Variants in PPP2R5C observed in about 807,000 individuals in gnomAD.
PPP2R5C encodes protein phosphatase 2 regulatory subunit B'gamma.
A neutral mutation model predicts 68.9 loss-of-function variants in PPP2R5C; 7 were observed. The observed-to-expected ratio is 0.10, with a 90% confidence interval of 0.06 to 0.19. The LOEUF (loss-of-function observed/expected upper bound fraction) is 0.19. PPP2R5C is among the 10% of genes least tolerant of loss of function. The probability of loss-of-function intolerance (pLI) is 1.00; values close to 1 mark genes in which losing one functional copy is unlikely to be tolerated. For missense variants in PPP2R5C, 348 were observed against 641.3 expected, an observed-to-expected ratio of 0.54 and a Z score of 4.94; for synonymous variants, 210 against 222.2, an observed-to-expected ratio of 0.95 and a Z score of 0.49.
intron 2 of PPP2R5C, among the ~76,000 whole-genome samples, chr14:101,769,231 CA>C (rs11305514): frequency 0.043 from 6,487 of 152,312 alleles, 201 homozygotes; most frequent in Non-Finnish European, 0.062. Flanking sequence ...ATGCTTATAG[CA>C]ATTACTTACT....
At chr14:101,844,175 G>A (rs941075837) in intron 1 of PPP2R5C, 4 of 147,656 alleles carry the variant, frequency 2.7e-5, no homozygotes, top group African/African-American at 1.0e-4. Flanking sequence ...ATGGCCAGGT[G>A]AGGTGGAGGC....
rs542621416 is a variant in PPP2R5C at position 101,888,844 on chromosome 14, A to G, written c.630-1393A>G. On this transcript the variant is annotated intron_variant, in intron 5 of 13. Transcript: ENST00000334743. The surrounding 1 kb of genome is among the most constrained non-coding windows in gnomAD (Gnocchi z 5.6). ...TGACCTCAGGTGATCCACCTGCTTC[A>G]GCCTCCCAAAGTGCTGGGATTACAG... is the stretch of plus-strand genomic sequence containing the variant. Among the ~76,000 whole-genome samples the G allele has an allele frequency of 7.2e-5, 11 of 152,176 alleles. No homozygotes were observed. The highest frequency in any genetic ancestry group is 2.6e-4 in the African/African-American group (11 of 41,524).
intron 2 of PPP2R5C, among the ~76,000 whole-genome samples, chr14:101,782,232 C>T (rs1252238898): frequency 8.4e-5 from 1 of 11,910 alleles, no homozygotes; most frequent in East Asian, 2.3e-3. Flanking sequence ...TCCTCCCTCT[C>T]TCTTTCTCCC....
At chr14:101,927,861 ATTGT>A (rs2047337011) in exon 14 of PPP2R5C, 1 of 152,084 alleles carries the variant, frequency 6.6e-6, no homozygotes, top group East Asian at 1.9e-4. Flanking sequence ...TTGTTTTGAC[ATTGT>A]TTATGAAGAG....
At chr14:101,837,659 A>G (rs2041199685) in intron 1 of PPP2R5C, among the ~76,000 whole-genome samples, 1 of 152,288 alleles carries the variant, frequency 6.6e-6, no homozygotes, top group South Asian at 2.1e-4. Context: ...GGAGGCGAGG[A>G]CTGTGGGCTT....
chr14:101,763,001 T>C, intron 2 of PPP2R5C, 31 bp downstream of exon 2: 1 of 1,521,636 alleles, frequency 6.6e-7, no homozygotes, highest in Non-Finnish European at 8.9e-7. Context: ...ACTTTGTATT[T>C]TATACACAGC....
chr14:101,907,227 G>T (rs1366007746), intron 10 of PPP2R5C, among the ~76,000 whole-genome samples: 1 of 152,044 alleles, frequency 6.6e-6, no homozygotes, highest in Non-Finnish European at 1.5e-5. Context: ...CTGGAGTGTA[G>T]TGTCACGATC....
chr14:101,782,180 C>T (rs1252809764), intron 2 of PPP2R5C, among the ~76,000 whole-genome samples: 2 of 43,734 alleles, frequency 4.6e-5, no homozygotes, highest in Non-Finnish European at 9.5e-5. Flanking sequence ...CCCTCCCCCT[C>T]CCTCTCTTTC....
intron 3 of PPP2R5C, among the ~76,000 whole-genome samples, chr14:101,792,831 G>T (rs963046243): frequency 3.3e-5 from 5 of 149,728 alleles, no homozygotes; most frequent in African/African-American, 1.2e-4. Flanking sequence ...CATCCCTTGG[G>T]CTCATTTAAT....
chr14:101,808,243 C>A (rs1216013596), upstream of PPP2R5C, among the ~76,000 whole-genome samples: 2 of 151,738 alleles, frequency 1.3e-5, no homozygotes, highest in African/African-American at 4.8e-5. Flanking sequence ...CAGCTAAGAT[C>A]TAAATTCCTC....
chr14:101,857,615 A>G (rs542905560), intron 2 of PPP2R5C, among the ~76,000 whole-genome samples: 10 of 152,366 alleles, frequency 6.6e-5, no homozygotes, highest in Admixed American at 5.9e-4. Context: ...GTCAAACTTT[A>G]CAGCCCATTC....
At chr14:101,870,761 G>A (rs984406639) in intron 2 of PPP2R5C, among the ~76,000 whole-genome samples, 3 of 152,180 alleles carry the variant, frequency 2.0e-5, no homozygotes, top group Non-Finnish European at 2.9e-5. Flanking sequence ...GAGCTTTGCA[G>A]CCTATGTACA....
rs1454869563 is a variant in PPP2R5C at position 101,819,745 on chromosome 14, A to G, written c.94+9709A>G. On this transcript the variant is annotated intron_variant, in intron 1 of 13. Transcript: ENST00000334743. Reference sequence around the variant, plus strand: ...TTCCGCCCACCGCAGCATCCTGTGTAGCTGGGACTACAGGCAAGCACCACC... The same window carrying G: ...TTCCGCCCACCGCAGCATCCTGTGTGGCTGGGACTACAGGCAAGCACCACC... 3 of 152,548 alleles carry G rather than the reference A, an allele frequency of 2.0e-5. No homozygotes were observed. The East Asian group carries it at 5.8e-4, about 29-fold the overall frequency. 9.4% of individuals were successfully genotyped at this position (152,548 alleles called of 1,614,324 possible).
At chr14:101,912,723 T>A in intron 12 of PPP2R5C, 4 of 666,540 alleles carry the variant, frequency 6.0e-6, no homozygotes, top group Non-Finnish European at 8.2e-6. Flanking sequence ...ATCTTATGCA[T>A]ATACTGTGGT....
At chr14:101,918,361 A>T (rs2046800054) in intron 13 of PPP2R5C, among the ~76,000 whole-genome samples, 1 of 129,794 alleles carries the variant, frequency 7.7e-6, no homozygotes. Context: ...AGGACACCTC[A>T]CCCTCCTTGC....
chr14:101,893,964 A>T (rs2281538), intron 7 of PPP2R5C, among the ~76,000 whole-genome samples: 1 of 152,084 alleles, frequency 6.6e-6, no homozygotes, highest in African/African-American at 2.4e-5. Context: ...CAGCACAGGC[A>T]CAGGGGTGCA....
intron 1 of PPP2R5C, chr14:101,843,354 TAC>T (rs1362715208): frequency 5.4e-6 from 1 of 184,024 alleles, no homozygotes; most frequent in Non-Finnish European, 1.2e-5. Flanking sequence ...CTGTTAGAGA[TAC>T]GAAATAAGAT....
At chr14:101,925,438 C>A (rs892377684) in exon 14 of PPP2R5C, 13 of 1,242,060 alleles carry the variant, frequency 1.0e-5, no homozygotes, top group Non-Finnish European at 1.3e-5. Context: ...GGAGTTCAAA[C>A]AATGGTGACT....
intron 2 of PPP2R5C, among the ~76,000 whole-genome samples, chr14:101,867,129 A>G (rs961738751): frequency 2.6e-5 from 4 of 151,766 alleles, no homozygotes; most frequent in African/African-American, 9.7e-5. Context: ...AGGCAAGAGA[A>G]TTGCTTGAAC....
Sources: gnomAD v4.1 joint callset for allele counts (sites outside exome capture counted in the v4.1 genomes callset) on GRCh38, gnomAD v4.1.1 for gene constraint, Gnocchi (gnomAD v3.1) non-coding constraint, MANE v1.5 for transcripts, NCBI Gene and HGNC (gene_info 2026-07-23, HGNC 2026-07-21) for gene names.